The following SUSD3 variants were observed in gnomAD, a reference collection of about 807,000 sequenced individuals.
SUSD3 encodes the protein sushi domain containing 3.
In SUSD3, 18 loss-of-function variants were observed where a neutral mutation model predicts 20.6. The observed-to-expected ratio is 0.87, with a 90% CI of 0.60 to 1.30. SUSD3 has a LOEUF of 1.30. SUSD3 is among the 50% of genes most tolerant of loss of function. SUSD3 has a pLI of 0.00. For missense variants in SUSD3, 306 were observed against 346.9 expected (o/e 0.88, Z 0.94); for synonymous variants, 137 against 141.5 (o/e 0.97, Z 0.23).
At chr9:93,076,875 A>G (rs6479448) in intron 2 of SUSD3, among the ~76,000 whole-genome samples, 55,151 of 152,226 alleles carry the variant, frequency 0.36, 16,011 homozygotes, top group African/African-American at 0.81. Context: ...GGCAGCAGCT[A>G]TGTTCCAGGC....
intron 4 of SUSD3, among the ~76,000 whole-genome samples, chr9:93,080,129 G>T (rs1318803471): frequency 1.3e-5 from 2 of 151,910 alleles, no homozygotes. Flanking sequence ...GGAGTTCGAG[G>T]CCAACATGGT....
rs778815390 is a variant in SUSD3 at position 93,079,428 on chromosome 9, A to G, written c.426-43A>G. The G allele has an allele frequency of 1.7e-5, 27 of 1,606,804 alleles. 1 individual carries two copies. Among genetic ancestry groups the G allele is most frequent in the Non-Finnish European group, 1.9e-5 (22 of 1,175,308 alleles). ...GCCTGTTTCCACCACCGTCAGGGAT[A>G]CACCTGCATGCTCAGAGTCCTTCCT... On this transcript the variant is annotated intron_variant, in intron 3 of 4. Coordinates refer to ENST00000375472, the MANE Select transcript of SUSD3 (RefSeq NM_145006.4).
intron 4 of SUSD3, among the ~76,000 whole-genome samples, chr9:93,079,888 T>G (rs944561609): frequency 6.6e-6 from 1 of 152,194 alleles, no homozygotes; most frequent in African/African-American, 2.4e-5. Flanking sequence ...TCCCTCCACC[T>G]ACACCCAGCA....
intron 1 of SUSD3, among the ~76,000 whole-genome samples, chr9:93,063,232 C>A (rs1825576744): frequency 6.6e-6 from 1 of 152,150 alleles, no homozygotes; most frequent in African/African-American, 2.4e-5. Flanking sequence ...GTTCCATGGA[C>A]CTTGGGGATT....
At position 93,077,286 on chromosome 9, in the gene SUSD3, G is replaced by A. The variant is rs150581804; in HGVS notation, c.278-560G>A. ...CCCCTGAAGAATGTTGCCACCTTGG[G>A]GCATTGTGAAAACCCAGACCATGGG... On this transcript the variant is annotated intron_variant, in intron 2 of 4. Coordinates refer to ENST00000375472, the MANE Select transcript of SUSD3 (RefSeq NM_145006.4). 4.1e-3 allele frequency among the ~76,000 whole-genome samples: 622 copies of A among 152,096 alleles called. 5 individuals are homozygous for A. The highest frequency in any genetic ancestry group is 0.014 in the African/African-American group (595 of 41,470).
intron 1 of SUSD3, among the ~76,000 whole-genome samples, chr9:93,062,918 G>A (rs11790662): frequency 2.0e-5 from 3 of 152,130 alleles, no homozygotes; most frequent in South Asian, 2.1e-4. Flanking sequence ...CTGTGAGTTC[G>A]CTGTGAATCC....
intron 1 of SUSD3, among the ~76,000 whole-genome samples, chr9:93,061,735 T>C (rs1323802423): frequency 6.6e-6 from 1 of 152,198 alleles, no homozygotes; most frequent in Non-Finnish European, 1.5e-5. Context: ...CACCTCTGTG[T>C]GCAAAAGTCA....
rs549871118 is a variant in SUSD3, at chr9:93,064,301, C to T, written c.88+5471C>T. On this transcript the variant is annotated intron_variant, in intron 1 of 4. Coordinates refer to ENST00000375472, the MANE Select transcript of SUSD3 (RefSeq NM_145006.4). ...GACCTTGTGATCTGCCCACCTTGGC[C>T]TCCCAAAGTGCTGGGAGTACAGGCG... Among the ~76,000 whole-genome samples, 4 of 152,336 alleles carry T rather than the reference C, an allele frequency of 2.6e-5. No homozygotes were observed. The East Asian group carries it at 7.7e-4, about 29-fold the overall frequency.
chr9:93,081,219 C>T (rs769598443), intron 4 of SUSD3, among the ~76,000 whole-genome samples: 3 of 152,196 alleles, frequency 2.0e-5, no homozygotes, highest in Non-Finnish European at 4.4e-5. Flanking sequence ...CTGTGCCCAT[C>T]TCTGCGGTTG....
At chr9:93,084,395 G>A (rs1360176872) in intron 4 of SUSD3, 142 bp from the exon 5 acceptor site, 5 of 699,296 alleles carry the variant, frequency 7.2e-6, no homozygotes, top group Non-Finnish European at 1.1e-5. Flanking sequence ...GCAGCTCCCA[G>A]CAGGAGGAAA....
chr9:93,081,546 C>T (rs924695518), intron 4 of SUSD3, among the ~76,000 whole-genome samples: 2 of 152,100 alleles, frequency 1.3e-5, no homozygotes, highest in African/African-American at 4.8e-5. Flanking sequence ...TGAATACTGG[C>T]TGTTACTGTC....
intron 1 of SUSD3, 25 bp from the exon 2 acceptor site, chr9:93,075,753 CGCCATG>C (rs1564191813): frequency 1.8e-5 from 6 of 334,092 alleles, no homozygotes; most frequent in South Asian, 9.4e-5. Context: ...CCCCCCCCCC[CGCCATG>C]CCTCATACCT....
intron 1 of SUSD3, among the ~76,000 whole-genome samples, chr9:93,061,371 A>G (rs925394622): frequency 4.6e-5 from 7 of 152,276 alleles, no homozygotes; most frequent in Non-Finnish European, 1.0e-4. Flanking sequence ...ATGCCTGGCT[A>G]TGGCCTCCTG....
chr9:93,070,959 C>T (rs1035194862), intron 1 of SUSD3, among the ~76,000 whole-genome samples: 10 of 152,170 alleles, frequency 6.6e-5, no homozygotes, highest in South Asian at 2.1e-4. Context: ...GAATCCCAAG[C>T]GCTAAATAGG....
intron 1 of SUSD3, among the ~76,000 whole-genome samples, chr9:93,068,411 G>A (rs998223197): frequency 2.6e-5 from 4 of 152,166 alleles, no homozygotes; most frequent in Admixed American, 6.6e-5. Context: ...CCCAGCATCA[G>A]TTTGTTGAAA....
At chr9:93,078,927 G>C (rs368516995) in intron 3 of SUSD3, among the ~76,000 whole-genome samples, 123 of 152,032 alleles carry the variant, frequency 8.1e-4, no homozygotes, top group African/African-American at 1.7e-3. Flanking sequence ...AGCCTCCCGA[G>C]TAGCTGGGAC....
chr9:93,072,948 G>T (rs1825966737), intron 1 of SUSD3, among the ~76,000 whole-genome samples: 1 of 152,116 alleles, frequency 6.6e-6, no homozygotes, highest in South Asian at 2.1e-4. Context: ...CTCATCTCAG[G>T]CTCGGTGGGC....
intron 4 of SUSD3, among the ~76,000 whole-genome samples, chr9:93,083,202 G>A (rs1826493520): frequency 6.6e-6 from 1 of 152,194 alleles, no homozygotes; most frequent in South Asian, 2.1e-4. Context: ...GGATTGGGAG[G>A]GGGACCCTTA....
chr9:93,063,897 A>T (rs1401068996), intron 1 of SUSD3, among the ~76,000 whole-genome samples: 1 of 152,174 alleles, frequency 6.6e-6, no homozygotes, highest in Middle Eastern at 3.2e-3. Flanking sequence ...TTCTCTGCTC[A>T]TGGACAGTTG....
Sources: gnomAD v4.1 joint callset for allele counts (sites outside exome capture counted in the v4.1 genomes callset) on GRCh38, gnomAD v4.1.1 for gene constraint, MANE v1.5 for transcripts, NCBI Gene and HGNC (gene_info 2026-07-23, HGNC 2026-07-21) for gene names.